STK32B: variants seen among roughly 807,000 people sequenced by gnomAD.
STK32B encodes the protein serine/threonine-protein kinase 32B.
Under a neutral mutation model 52.6 loss-of-function variants are expected in STK32B, and 43 were observed. The observed-to-expected ratio is 0.82, with a 90% CI of 0.64 to 1.05. The LOEUF (loss-of-function observed/expected upper bound fraction) is 1.05, where lower values mean the gene tolerates loss of function less well. STK32B is among the 50% of genes least tolerant of loss of function. STK32B has a pLI of 0.00. For missense variants in STK32B, 621 were observed against 534.6 expected (o/e 1.16, Z -1.59); for synonymous variants, 238 against 204.3 (o/e 1.17, Z -1.41).
Position 5,453,320 on chromosome 4 carries a change from A to G in STK32B, c.667-3487A>G, listed in dbSNP as rs1716178841. On this transcript the variant is annotated intron_variant, in intron 7 of 11. Transcript: ENST00000282908. This position sits in a 1 kb window ranked among gnomAD's most constrained non-coding sequence, Gnocchi z 4.0. ...ATGACCAATAAGGAAACAGGGAATG[A>G]AATGTAAATGATAAGAAAACATTTA... 6.6e-6 allele frequency among the ~76,000 whole-genome samples: 1 copy of G among 152,182 alleles called. No homozygotes were observed.
intron 4 of STK32B, among the ~76,000 whole-genome samples, chr4:5,355,360 A>G (rs1303700957): frequency 1.3e-5 from 2 of 152,144 alleles, no homozygotes; most frequent in African/African-American, 4.8e-5. Context: ...GGCTCCATGC[A>G]CAGACCCTAG....
intron 4 of STK32B, among the ~76,000 whole-genome samples, chr4:5,347,354 C>T (rs1733537035): frequency 6.6e-6 from 1 of 152,134 alleles, no homozygotes; most frequent in Non-Finnish European, 1.5e-5. Flanking sequence ...CTACAGTGAA[C>T]ATAAACATGA....
chr4:5,093,103 A>G (rs1713185088), intron 1 of STK32B, among the ~76,000 whole-genome samples: 1 of 152,218 alleles, frequency 6.6e-6, no homozygotes, highest in Non-Finnish European at 1.5e-5. Flanking sequence ...AACAATTTGA[A>G]AAAAACTTGC....
chr4:5,053,809 A>G (rs1386703661), intron 1 of STK32B, among the ~76,000 whole-genome samples: 1 of 133,834 alleles, frequency 7.5e-6, no homozygotes, highest in Non-Finnish European at 1.6e-5. Context: ...TGAAACCCCG[A>G]CTCTACTAAA....
chr4:5,167,968 G>A (rs1719016345), intron 2 of STK32B, among the ~76,000 whole-genome samples: 3 of 152,202 alleles, frequency 2.0e-5, no homozygotes, highest in African/African-American at 7.2e-5. Flanking sequence ...AGTCACTGGT[G>A]CTTTTTGCAT....
At chr4:5,149,656 C>G (rs56957125) in intron 2 of STK32B, among the ~76,000 whole-genome samples, 6,497 of 151,774 alleles carry the variant, frequency 0.043, 433 homozygotes, top group African/African-American at 0.14. Context: ...GTGTAGGTGT[C>G]AAATGTATTG....
chr4:5,203,784 G>C (rs927449130), intron 3 of STK32B, among the ~76,000 whole-genome samples: 1 of 152,094 alleles, frequency 6.6e-6, no homozygotes, highest in African/African-American at 2.4e-5. Flanking sequence ...ACCTCCCCCA[G>C]CTTCGTTATG....
rs182522343 is a variant in STK32B at position 5,470,166 on chromosome 4, C to A, written c.1106+2096C>A. ...CCTTCCCTGTGTCATTTAGGAGTTG[C>A]GTCTGCTGCTTTTAGCAGAAACCTC... On this transcript the variant is annotated intron_variant, in intron 11 of 11. Transcript: ENST00000282908. The surrounding 1 kb of genome is among the most constrained non-coding windows in gnomAD (Gnocchi z 4.6). Among the ~76,000 whole-genome samples, 8 of 152,144 alleles carry A rather than the reference C, an allele frequency of 5.3e-5. No homozygotes were observed. Among genetic ancestry groups the A allele is most frequent in the Non-Finnish European group, 1.0e-4 (7 of 68,038 alleles).
chr4:5,063,897 G>A (rs868222394), intron 1 of STK32B, among the ~76,000 whole-genome samples: 3 of 151,994 alleles, frequency 2.0e-5, no homozygotes, highest in Non-Finnish European at 4.4e-5. Flanking sequence ...TTTAAATTGC[G>A]TTTTTATTGA....
At chr4:5,132,121 T>TGTGTAGTGA (rs1239552669) in intron 1 of STK32B, among the ~76,000 whole-genome samples, 1 of 152,222 alleles carries the variant, frequency 6.6e-6, no homozygotes, top group East Asian at 1.9e-4. Context: ...TTTTTATGGC[T>TGTGTAGTGA]GTGTAGTATT....
intron 11 of STK32B, among the ~76,000 whole-genome samples, chr4:5,483,715 G>C (rs868713686): frequency 2.6e-4 from 40 of 152,018 alleles, no homozygotes; most frequent in African/African-American, 9.2e-4. Flanking sequence ...GCTTTCTCTT[G>C]TGGACATTTA....
chr4:5,052,902 TC>T (rs1240374008), intron 1 of STK32B, among the ~76,000 whole-genome samples: 1 of 152,188 alleles, frequency 6.6e-6, no homozygotes, highest in African/African-American at 2.4e-5. Flanking sequence ...GTTCACTCCA[TC>T]CTTTTCATGC....
rs1577555030 is a variant in STK32B at position 5,467,883 on chromosome 4, T to C, written c.1042-123T>C. ...GTCAGCCCCAGACACTTAGCTTGGC[T>C]TGTCCCGGTCCCAAGCATCTGAGGT... On this transcript the variant is annotated intron_variant, in intron 10 of 11. Coordinates refer to ENST00000282908, the MANE Select transcript of STK32B (RefSeq NM_018401.3). The surrounding 1 kb of genome is among the most constrained non-coding windows in gnomAD (Gnocchi z 5.8). The C allele has an allele frequency of 2.7e-6, 3 of 1,100,198 alleles. No individual in the cohort carries two copies. The highest frequency in any genetic ancestry group is 2.7e-5 in the South Asian group (2 of 73,450). The allele number at this position is 1,100,198 out of a possible 1,614,324, so 68.2% of individuals were successfully genotyped here. A position where few individuals can be genotyped will look rare whatever the true frequency, so the allele number is the denominator to read the frequency against.
At chr4:5,168,260 T>C (rs373959122) in intron 2 of STK32B, 39 bp from the exon 3 acceptor site, 45 of 1,585,256 alleles carry the variant, frequency 2.8e-5, no homozygotes, top group Non-Finnish European at 3.5e-5. Context: ...CCCTTTTCGA[T>C]TGTTGGCCTG....
In STK32B at chr4:5,399,252, G is replaced by A. The variant is rs781574175; in HGVS notation, c.472+1008G>A. Reference sequence around the variant, plus strand: ...TTCTGAAGTAGGGATTCTCATCCCTGCTGAGGCCTTCAGGGATGAATGAGT... The same window carrying A: ...TTCTGAAGTAGGGATTCTCATCCCTACTGAGGCCTTCAGGGATGAATGAGT... On this transcript the variant is annotated intron_variant, in intron 5 of 11. Coordinates refer to ENST00000282908, the MANE Select transcript of STK32B (RefSeq NM_018401.3). This position sits in a 1 kb window ranked among gnomAD's most constrained non-coding sequence, Gnocchi z 5.4. 4.0e-5 allele frequency among the ~76,000 whole-genome samples: 6 copies of A among 151,564 alleles called. No individual in the cohort carries two copies. Among genetic ancestry groups the A allele is most frequent in the Middle Eastern group, 3.2e-3 (1 of 314 alleles).
the STK32B span, among the ~76,000 whole-genome samples, chr4:5,037,259 C>A: frequency 1.6e-4 from 24 of 152,264 alleles, no homozygotes; most frequent in East Asian, 4.3e-3. Flanking sequence ...GGGGATCACC[C>A]CTGTTGAGAA....
intron 11 of STK32B, among the ~76,000 whole-genome samples, chr4:5,479,738 T>G (rs1170466863): frequency 1.3e-5 from 2 of 152,232 alleles, no homozygotes; most frequent in East Asian, 3.8e-4. Context: ...TTTTGCTTTT[T>G]TCTCTTTCAA....
intron 2 of STK32B, chr4:5,140,348 G>A (rs1486572274): frequency 1.7e-6 from 2 of 1,210,828 alleles, no homozygotes; most frequent in South Asian, 1.5e-5. Context: ...TTTTTGAAAA[G>A]GTATAGAAGG....
chr4:5,063,492 G>C (rs561874289), intron 1 of STK32B, among the ~76,000 whole-genome samples: 8 of 151,918 alleles, frequency 5.3e-5, no homozygotes, highest in Non-Finnish European at 1.2e-4. Context: ...ACAGGTGCCC[G>C]CCACCATGCC....
Sources: allele counts gnomAD v4.1 joint callset (sites outside exome capture counted in the v4.1 genomes callset), GRCh38; gene constraint gnomAD v4.1.1; non-coding constraint Gnocchi (gnomAD v3.1); transcripts MANE v1.5; gene names NCBI Gene and HGNC (gene_info 2026-07-23, HGNC 2026-07-21).